CLNS1A: variants seen among roughly 807,000 people sequenced by gnomAD.
CLNS1A encodes methylosome subunit pICln.
A neutral mutation model predicts 29.4 loss-of-function variants in CLNS1A; 16 were observed. The ratio of observed to expected loss-of-function variants is 0.54; its 90% CI spans 0.37 to 0.83. CLNS1A has a LOEUF of 0.83. Among genes scored for constraint, CLNS1A ranks in the 40% least tolerant of loss-of-function variants. The pLI is 0.00. For missense variants in CLNS1A, 235 were observed against 287.4 expected, an observed-to-expected ratio of 0.82 and a Z score of 1.32; for synonymous variants, 96 against 104.8, an observed-to-expected ratio of 0.92 and a Z score of 0.51.
chr11:77,629,977 C>G, intron 1 of CLNS1A, 78 bp from the exon 2 acceptor site: 1 of 1,305,138 alleles, frequency 7.7e-7, no homozygotes, highest in Non-Finnish European at 1.1e-6. Flanking sequence ...AAAAGTTCAG[C>G]TTGGACACCT....
intron 5 of CLNS1A, among the ~76,000 whole-genome samples, chr11:77,620,709 T>C (rs1379958354): frequency 1.3e-5 from 2 of 151,940 alleles, no homozygotes; most frequent in Admixed American, 1.3e-4. Flanking sequence ...CTCGGGAGGC[T>C]GAGGCAGGAG....
intron 1 of CLNS1A, among the ~76,000 whole-genome samples, chr11:77,634,033 G>A (rs528076890): frequency 2.0e-5 from 3 of 152,058 alleles, no homozygotes; most frequent in South Asian, 2.1e-4. Flanking sequence ...CTCAGGAGGC[G>A]GAGGTTGCGG....
chr11:77,631,552 C>T (rs1212774902), intron 1 of CLNS1A, among the ~76,000 whole-genome samples: 4 of 151,898 alleles, frequency 2.6e-5, no homozygotes, highest in Admixed American at 6.6e-5. Context: ...CTCCTGACCT[C>T]GTGATCCACC....
intron 5 of CLNS1A, among the ~76,000 whole-genome samples, chr11:77,621,236 T>A (rs1284263378): frequency 6.6e-6 from 1 of 151,760 alleles, no homozygotes; most frequent in Admixed American, 6.6e-5. Context: ...GAGGTTGCAG[T>A]AAGCCGAGGT....
At position 77,616,255 on chromosome 11, in the gene CLNS1A, AG is replaced by A. The variant is rs1226323795; in HGVS notation, c.*462del. On this transcript the variant is annotated 3_prime_UTR_variant, in exon 7 of 7. Transcript: ENST00000525428. ...ATCCCAGACTCACTTGTTCTGTTACAGAAACTAACCTAAAAGGCTGGAAATT... is the reference window on the plus strand; with the variant it reads ...ATCCCAGACTCACTTGTTCTGTTACAAAACTAACCTAAAAGGCTGGAAATT... 1 of 152,238 alleles carries A rather than the reference AG, an allele frequency of 6.6e-6. No individual in the cohort carries two copies. Among genetic ancestry groups the A allele is most frequent in the African/African-American group, 2.4e-5 (1 of 41,468 alleles). The allele number at this position is 152,238 out of a possible 1,614,324, so 9.4% of individuals were successfully genotyped here. A position where few individuals can be genotyped will look rare whatever the true frequency, so the allele number is the denominator to read the frequency against.
intron 1 of CLNS1A, among the ~76,000 whole-genome samples, chr11:77,631,412 T>C (rs890259060): frequency 1.0e-4 from 15 of 150,170 alleles, no homozygotes; most frequent in Admixed American, 8.0e-4. Context: ...GCTCCGCCTC[T>C]CGGGTTCACG....
intron 4 of CLNS1A, among the ~76,000 whole-genome samples, chr11:77,624,707 T>C (rs998149710): frequency 2.0e-5 from 3 of 152,030 alleles, no homozygotes; most frequent in African/African-American, 7.2e-5. Context: ...TAATCCCAGC[T>C]ACTTGGAAGG....
At chr11:77,629,573 T>C (rs1247186416) in intron 2 of CLNS1A, among the ~76,000 whole-genome samples, 190 bp downstream of exon 2, 1 of 152,124 alleles carries the variant, frequency 6.6e-6, no homozygotes, top group Non-Finnish European at 1.5e-5. Context: ...TTTTGTATTT[T>C]TTAGTAGAGA....
At position 77,615,549 on chromosome 11, in the gene CLNS1A, G is replaced by A. The variant is rs1958899983; in HGVS notation, c.*1169C>T. On this transcript the variant is annotated 3_prime_UTR_variant, in exon 7 of 7. Coordinates refer to ENST00000525428, the MANE Select transcript of CLNS1A (RefSeq NM_001293.3). ...TTATAATACATAATAAAGAACTCAG[G>A]ACAGTGGCTAGTACAGAGGTCTCAG... The A allele has an allele frequency of 6.6e-6, 1 of 152,124 alleles. No homozygotes were observed. The highest frequency in any genetic ancestry group is 2.1e-4 in the South Asian group (1 of 4,822). The allele number at this position is 152,124 out of a possible 1,614,324, so 9.4% of individuals were successfully genotyped here. A position where few individuals can be genotyped will look rare whatever the true frequency, so the allele number is the denominator to read the frequency against.
chr11:77,629,954 C>T lies in CLNS1A; in HGVS notation c.126-55G>A, dbSNP rs958505675. On this transcript the variant is annotated intron_variant, in intron 1 of 6. Transcript: ENST00000525428. ...TTAGAAAGTAAATCCTCATGTAAGA[C>T]CACAAAGTATATAAAAGTTCAGCTT... is the stretch of plus-strand genomic sequence containing the variant. 19 of 1,547,176 alleles carry T rather than the reference C, an allele frequency of 1.2e-5. No homozygotes were observed. In the African/African-American group the frequency reaches 2.3e-4, roughly 19 times the overall value.
chr11:77,619,340 T>C, intron 6 of CLNS1A: 1 of 331,304 alleles, frequency 3.0e-6, no homozygotes, highest in Non-Finnish European at 5.6e-6. Context: ...GAGACCAGCC[T>C]GGGCAACATG....
chr11:77,624,953 T>C lies in CLNS1A; in HGVS notation c.472+10A>G. On this transcript the variant is annotated intron_variant, in intron 4 of 6. Coordinates refer to ENST00000525428, the MANE Select transcript of CLNS1A (RefSeq NM_001293.3). ...AACAAAAAACCCACTTTAAAATCCA[T>C]TTCACTAACCATGTGCTTCCACATC... The C allele has an allele frequency of 1.9e-6, 3 of 1,573,846 alleles. No homozygotes were observed. Among genetic ancestry groups the C allele is most frequent in the Non-Finnish European group, 2.6e-6 (3 of 1,147,846 alleles).
In CLNS1A at chr11:77,614,892, C is replaced by T. The variant is rs1176765688; in HGVS notation, c.*1826G>A. ...TAAATTTTATCTTTTAAAAGCCTGA[C>T]CTGCTCTTTTTTCTCAGCTTCTATT... On this transcript the variant is annotated 3_prime_UTR_variant, in exon 7 of 7. Transcript: ENST00000525428. 1 of 152,114 alleles carries T rather than the reference C, an allele frequency of 6.6e-6. No homozygotes were observed. Among genetic ancestry groups the T allele is most frequent in the African/African-American group, 2.4e-5 (1 of 41,400 alleles). The allele number at this position is 152,114 out of a possible 1,614,324, so 9.4% of individuals were successfully genotyped here. A position where few individuals can be genotyped will look rare whatever the true frequency, so the allele number is the denominator to read the frequency against.
intron 6 of CLNS1A, among the ~76,000 whole-genome samples, chr11:77,617,557 TACAG>T (rs1958917581): frequency 2.0e-5 from 3 of 149,994 alleles, no homozygotes; most frequent in African/African-American, 7.4e-5. Flanking sequence ...AAAAAAAATG[TACAG>T]ACATTGTTCG....
Position 77,629,848 on chromosome 11 carries a change from G to A in CLNS1A, c.177C>T (p.Pro59=), listed in dbSNP as rs757560774. Residue 59 remains proline (P), a synonymous_variant, in exon 2 of 7, where the codon CCC becomes CCT. Transcript: ENST00000525428. The part of the protein sequence containing the change: ...GSGLGFSLEY[P]TISLHALSRD... ...TGGATAATGCATGTAAACTAATGGT[G>A]GGGTATTCCAGTGAGAATCCTAATC... is the stretch of plus-strand genomic sequence containing the variant. 191 of 1,613,516 alleles carry A rather than the reference G, an allele frequency of 1.2e-4. No homozygotes were observed. Among genetic ancestry groups the A allele is most frequent in the Non-Finnish European group, 1.5e-4 (173 of 1,179,636 alleles).
At chr11:77,635,224 C>T (rs753753243) in intron 1 of CLNS1A, among the ~76,000 whole-genome samples, 2 of 151,736 alleles carry the variant, frequency 1.3e-5, no homozygotes, top group African/African-American at 2.4e-5. Flanking sequence ...TGGAAAACGT[C>T]GACAATTCTC....
intron 5 of CLNS1A, among the ~76,000 whole-genome samples, chr11:77,620,879 G>A (rs1195725490): frequency 2.6e-5 from 4 of 151,744 alleles, no homozygotes; most frequent in Admixed American, 6.6e-5. Context: ...CTACTCAGGA[G>A]GCTGAGGCAG....
intron 5 of CLNS1A, among the ~76,000 whole-genome samples, chr11:77,621,020 G>A (rs1390456422): frequency 6.6e-6 from 1 of 151,158 alleles, no homozygotes; most frequent in Non-Finnish European, 1.5e-5. Context: ...ATCATGGCCG[G>A]GTGCAGTGGC....
chr11:77,631,571 C>T (rs996969530), intron 1 of CLNS1A, among the ~76,000 whole-genome samples: 4 of 152,056 alleles, frequency 2.6e-5, no homozygotes, highest in African/African-American at 9.7e-5. Flanking sequence ...CCCGCCTCGG[C>T]CTCCCAAAGT....
Sources: gnomAD v4.1 joint callset for allele counts (sites outside exome capture counted in the v4.1 genomes callset) on GRCh38, gnomAD v4.1.1 for gene constraint, MANE v1.5 for transcripts, NCBI Gene and HGNC (gene_info 2026-07-23, HGNC 2026-07-21) for gene names.